The following PRR12 variants were observed in gnomAD, a reference collection of about 807,000 sequenced individuals.
PRR12 encodes the protein proline rich 12, also known as proline-rich protein 12.
In PRR12, 12 loss-of-function variants were observed where a neutral mutation model predicts 138.0. The observed-to-expected ratio is 0.09, with a 90% CI of 0.06 to 0.14. PRR12 has a LOEUF of 0.14. PRR12 is among the 10% of genes least tolerant of loss of function. The pLI is 1.00. For missense variants in PRR12, 2,692 were observed against 2,861.3 expected, an observed-to-expected ratio of 0.94 and a Z score of 1.35; for synonymous variants, 1,567 against 1,291.7, an observed-to-expected ratio of 1.21 and a Z score of -4.57.
rs752513336 is a variant in PRR12 at position 49,599,652 on chromosome 19, G to A, written c.4059G>A (p.Glu1353=). The change falls in exon 5 of 14, where the codon GAG becomes GAA. Residue 1353 remains glutamate (E), a synonymous_variant. Transcript: ENST00000418929. The surrounding 1 kb of genome is among the most constrained non-coding windows in gnomAD (Gnocchi z 5.0). The part of the protein sequence containing the change: ...LGGALEAAES[E]GLGLGCPSPC... The stretch of plus-strand genomic sequence containing the variant: ...GCGCCCTGGAGGCTGCAGAGAGTGA[G>A]GGTCTGGGGCTTGGCTGCCCTTCAC... 1.2e-6 allele frequency: 2 copies of A among 1,610,878 alleles called. No homozygotes were observed. The highest frequency in any genetic ancestry group is 2.2e-5 in the South Asian group (2 of 91,054).
rs2080895777 is a variant in PRR12, at chr19:49,616,876, C to T, written c.5497+657C>T. Among the ~76,000 whole-genome samples, 1 of 152,146 alleles carries T rather than the reference C, an allele frequency of 6.6e-6. No homozygotes were observed. The highest frequency in any genetic ancestry group is 2.4e-5 in the African/African-American group (1 of 41,424). ...GGGCACAGTGGCTCGCGCCTGTAAT[C>T]CCAACACTTTGGGAGGCCAAGGTGG... On this transcript the variant is annotated intron_variant, in intron 9 of 13. Transcript: ENST00000418929. This position sits in a 1 kb window ranked among gnomAD's most constrained non-coding sequence, Gnocchi z 4.2.
intron 4 of PRR12, among the ~76,000 whole-genome samples, chr19:49,598,567 C>T (rs1052872020): frequency 1.3e-5 from 2 of 152,156 alleles, no homozygotes; most frequent in South Asian, 4.1e-4. Context: ...TGCCTGTAAT[C>T]CCAGCGCTTT....
intron 6 of PRR12, among the ~76,000 whole-genome samples, chr19:49,610,605 C>T (rs1368722614): frequency 1.4e-5 from 2 of 140,692 alleles, no homozygotes; most frequent in Non-Finnish European, 3.0e-5. Flanking sequence ...TGCTGTGGCG[C>T]GATCTCAGCT....
intron 6 of PRR12, among the ~76,000 whole-genome samples, chr19:49,608,929 G>A (rs1404574901): frequency 6.6e-6 from 1 of 152,168 alleles, no homozygotes. Flanking sequence ...GGCCAGGCTA[G>A]CCCATTCTCC....
chr19:49,622,978 T>C lies in PRR12; in HGVS notation c.5721+1356T>C, dbSNP rs572867603. On this transcript the variant is annotated intron_variant, in intron 11 of 13. Transcript: ENST00000418929. ...AGAGAAAGAGAGAGAGAGAGAGATA[T>C]TAATATGACTGAGAATTTTGAGTGA... is the stretch of plus-strand genomic sequence containing the variant. Among the ~76,000 whole-genome samples, 37 of 143,820 alleles carry C rather than the reference T, an allele frequency of 2.6e-4. No individual in the cohort carries two copies. The South Asian group carries it at 7.8e-3, about 30-fold the overall frequency. The allele number at this position is 143,820 out of a possible 152,430, so 94.4% of individuals were successfully genotyped here. A position where few individuals can be genotyped will look rare whatever the true frequency, so the allele number is the denominator to read the frequency against.
chr19:49,594,795 C>G lies in PRR12; in HGVS notation c.460C>G (p.Pro154Ala). The G allele has an allele frequency of 6.2e-7, 1 of 1,613,272 alleles. No individual in the cohort carries two copies. The highest frequency in any genetic ancestry group is 8.5e-7 in the Non-Finnish European group (1 of 1,179,772). The change falls in exon 4 of 14, where the codon CCG (proline) becomes GCG (alanine). Residue 154 changes from proline (P) to alanine (A), a missense_variant. By Grantham distance (27) the Pro-to-Ala change is conservative (BLOSUM62 -1). Around this residue, in one of 11 missense-constraint regions of PRR12, gnomAD observed 211 missense variants for 266.3 expected, o/e 0.79. Transcript: ENST00000418929. This position sits in a 1 kb window ranked among gnomAD's most constrained non-coding sequence, Gnocchi z 5.6. ...ATCTGCCCTGTCGGCTTACCAACAC[C>G]CGGCTTCCTTCGGCAGCCGCCCCTT... is the stretch of plus-strand genomic sequence containing the variant. ...SSSALSAYQH[P>A]ASFGSRPFPV...
rs751190935 is a variant in PRR12, at chr19:49,601,635, C to T, written c.4490C>T (p.Pro1497Leu). The change falls in exon 6 of 14, where the codon CCG (proline) becomes CTG (leucine). Residue 1497 changes from proline to leucine, a missense_variant. Physicochemically the swap from Pro to Leu is moderately conservative, Grantham distance 98 (BLOSUM62 -3). This residue lies in a region of PRR12 where 231 missense variants were observed against 200.8 expected (regional missense o/e 1.15). Coordinates refer to ENST00000418929, the MANE Select transcript of PRR12 (RefSeq NM_020719.3). ...PLVAPTPSSP[P>L]PPPLPPPPPP... is the part of the protein sequence containing the mutation. ...GTGGCCCCCACGCCCAGCTCACCAC[C>T]GCCACCGCCGCTGCCGCCGCCACCT... 1.8e-5 allele frequency: 27 copies of T among 1,537,392 alleles called. No individual in the cohort carries two copies. The highest frequency in any genetic ancestry group is 2.8e-5 in the African/African-American group (2 of 72,520).
At position 49,592,751 on chromosome 19, in the gene PRR12, TG is replaced by T. The variant is rs1369624114; in HGVS notation, c.87-575del. Among the ~76,000 whole-genome samples, 161 of 152,112 alleles carry T rather than the reference TG, an allele frequency of 1.1e-3. 4 individuals are homozygous for T. Among genetic ancestry groups the T allele is most frequent in the Admixed American group, 0.011 (161 of 15,266 alleles). ...AACCCCCGGGGATGGTCGGTGTTCT[TG>T]TTCACACTTGTACCTGGTACTTTCC... On this transcript the variant is annotated intron_variant, in intron 1 of 13. Coordinates refer to ENST00000418929, the MANE Select transcript of PRR12 (RefSeq NM_020719.3).
rs766792738 is a variant in PRR12 at position 49,601,724 on chromosome 19, C to T, written c.4579C>T (p.Pro1527Ser). ...PPAAAPLAAP[P>S]EEPAAPSPED... is the part of the protein sequence containing the mutation. Reference sequence around the variant, plus strand: ...AGCCGCTGCCCCACTGGCTGCTCCTCCTGAGGAGCCCGCCGCCCCGTCTCC... The same window carrying T: ...AGCCGCTGCCCCACTGGCTGCTCCTTCTGAGGAGCCCGCCGCCCCGTCTCC... The change falls in exon 6 of 14, where the codon CCT becomes TCT. Residue 1527 changes from proline (P) to serine (S), a missense_variant. Transcript: ENST00000418929. 7 of 1,545,022 alleles carry T rather than the reference C, an allele frequency of 4.5e-6. No individual in the cohort carries two copies. In the East Asian group the frequency reaches 9.7e-5, roughly 22 times the overall value.
chr19:49,615,765 G>A lies in PRR12; in HGVS notation c.5043G>A (p.Lys1681=). The A allele has an allele frequency of 6.2e-7, 1 of 1,612,900 alleles. No individual in the cohort carries two copies. Among genetic ancestry groups the A allele is most frequent in the South Asian group, 1.1e-5 (1 of 90,826 alleles). The stretch of plus-strand genomic sequence containing the variant: ...CTTCTAGACGCTCTGGGCAGGCCAA[G>A]AACCCCGTATCTGCTGGGGGTAGCT... ...PVPVRRSGQA[K]NPVSAGGSSA... is the part of the protein sequence containing the mutation. Residue 1681 remains lysine, a synonymous_variant, in exon 9 of 14, where the codon AAG becomes AAA. Transcript: ENST00000418929.
chr19:49,621,495 C>G, intron 10 of PRR12, 30 bp from the exon 11 acceptor site: 1 of 1,548,856 alleles, frequency 6.5e-7, no homozygotes, highest in Non-Finnish European at 8.8e-7. Context: ...GAGGCTGTGG[C>G]CTTCCTGATA....
In PRR12 at chr19:49,595,259, T is replaced by C. The variant is rs1386564291; in HGVS notation, c.924T>C (p.His308=). 2 of 1,471,754 alleles carry C rather than the reference T, an allele frequency of 1.4e-6. No individual in the cohort carries two copies. Among genetic ancestry groups the C allele is most frequent in the South Asian group, 2.4e-5 (2 of 82,348 alleles). The allele number at this position is 1,471,754 out of a possible 1,614,324, so 91.2% of individuals were successfully genotyped here. A position where few individuals can be genotyped will look rare whatever the true frequency, so the allele number is the denominator to read the frequency against. ...CCCCACCACCCCCGCCACCAGCCCA[T>C]GCGCTCCAGCACTATCTGAGCTGTG... is the stretch of plus-strand genomic sequence containing the variant. ...AQPPPPPPPA[H]ALQHYLSCGG... The change falls in exon 4 of 14, where the codon CAT becomes CAC. Residue 308 remains histidine, a synonymous_variant. Transcript: ENST00000418929.
At chr19:49,606,090 TCC>T in intron 6 of PRR12, among the ~76,000 whole-genome samples, 1 of 152,218 alleles carries the variant, frequency 6.6e-6, no homozygotes, top group East Asian at 1.9e-4. Context: ...GGCCTCAAAC[TCC>T]TGGGCTCAAG....
rs1275740409 is a variant in PRR12 at position 49,594,455 on chromosome 19, C to T, written c.201C>T (p.Gly67=). ...ACTATAACCCCTGTCCCCGGCCAGG[C>T]CTCTCTGGACTCTTCGACACTGGCC... ...QSYATNHHPA[G]LSGLFDTGLH... Residue 67 remains glycine (G), a splice_region_variant and synonymous_variant, in exon 3 of 14, where the codon GGC becomes GGT. Coordinates refer to ENST00000418929, the MANE Select transcript of PRR12 (RefSeq NM_020719.3). The surrounding 1 kb of genome is among the most constrained non-coding windows in gnomAD (Gnocchi z 5.6). 24 of 1,586,832 alleles carry T rather than the reference C, an allele frequency of 1.5e-5. No individual in the cohort carries two copies. The highest frequency in any genetic ancestry group is 2.0e-5 in the Non-Finnish European group (23 of 1,168,516).
rs765920045 is a variant in PRR12, at chr19:49,595,571, C to T, written c.1236C>T (p.Thr412=). ...GATRPPPPRS[T]ATPKCQSLGG... ...CCAGGCCCCCCCCACCCCGTTCGAC[C>T]GCCACCCCCAAATGTCAGAGCCTGG... The change falls in exon 4 of 14, where the codon ACC becomes ACT. Residue 412 remains threonine, a synonymous_variant. Transcript: ENST00000418929. The T allele has an allele frequency of 2.0e-5, 32 of 1,598,890 alleles. 1 individual carries two copies. Among genetic ancestry groups the T allele is most frequent in the South Asian group, 7.9e-5 (7 of 88,914 alleles).
chr19:49,615,210 G>C (rs767439423), intron 8 of PRR12, among the ~76,000 whole-genome samples: 10 of 150,938 alleles, frequency 6.6e-5, no homozygotes, highest in Non-Finnish European at 1.3e-4. Flanking sequence ...AGAGACAGGA[G>C]GGGAACAGAG....
chr19:49,622,926 TATAGAGAGAGAG>T (rs1305833943), intron 11 of PRR12, among the ~76,000 whole-genome samples: 11 of 87,490 alleles, frequency 1.3e-4, no homozygotes, highest in African/African-American at 6.9e-4. Context: ...TATATATATA[TATAGAGAGAGAG>T]AGAGAGAGAG....
Position 49,594,215 on chromosome 19 carries a change from C to T in PRR12, c.200-239C>T, listed in dbSNP as rs563835182. Among the ~76,000 whole-genome samples, 283 of 152,284 alleles carry T rather than the reference C, an allele frequency of 1.9e-3. No individual in the cohort carries two copies. Among genetic ancestry groups the T allele is most frequent in the Non-Finnish European group, 3.5e-3 (240 of 68,026 alleles). On this transcript the variant is annotated intron_variant, in intron 2 of 13. Coordinates refer to ENST00000418929, the MANE Select transcript of PRR12 (RefSeq NM_020719.3). This position sits in a 1 kb window ranked among gnomAD's most constrained non-coding sequence, Gnocchi z 5.6. The stretch of plus-strand genomic sequence containing the variant: ...TTTTGTCTACCATTTCCTACCTGGG[C>T]CCCCTGTCCTTATGACTGGATTGCC...
intron 9 of PRR12, among the ~76,000 whole-genome samples, chr19:49,618,747 GC>G (rs1230357348): frequency 6.9e-6 from 1 of 145,976 alleles, no homozygotes; most frequent in African/African-American, 2.5e-5. Context: ...AGCCCTGTCC[GC>G]CCCCATCCCC....
Sources: allele counts gnomAD v4.1 joint callset (sites outside exome capture counted in the v4.1 genomes callset), GRCh38; gene constraint gnomAD v4.1.1; regional missense constraint gnomAD v4.1.1; non-coding constraint Gnocchi (gnomAD v3.1); transcripts MANE v1.5; gene names NCBI Gene and HGNC (gene_info 2026-07-23, HGNC 2026-07-21).